Variants in GUF1 observed in about 807,000 individuals in gnomAD.
GUF1 encodes translation factor GUF1, mitochondrial.
GUF1 carries 78 observed loss-of-function variants against 82.4 expected under a neutral mutation model. The ratio of observed to expected loss-of-function variants is 0.95; its 90% CI spans 0.79 to 1.14. The LOEUF is 1.14. Ranked by LOEUF, GUF1 falls within the 50% of genes most tolerant of loss-of-function variation. The pLI is 0.00. For missense variants in GUF1, 814 were observed against 798.2 expected (o/e 1.02, Z -0.24); for synonymous variants, 279 against 282.3 (o/e 0.99, Z 0.12).
At position 44,678,634 on chromosome 4, in the gene GUF1, C is replaced by G. The variant is rs557235362; in HGVS notation, c.12C>G (p.Leu4=). 2 of 1,468,510 alleles carry G rather than the reference C, an allele frequency of 1.4e-6. No homozygotes were observed. Among genetic ancestry groups the G allele is most frequent in the East Asian group, 5.5e-5 (2 of 36,478 alleles). 91.0% of individuals were successfully genotyped at this position (1,468,510 alleles called of 1,614,324 possible). The change falls in exon 1 of 17, where the codon CTC becomes CTG. Residue 4 remains leucine, a synonymous_variant. Transcript: ENST00000281543. ...CCGCCGCCCGGGTCATGTGGACCCT[C>G]GTGGGTCGGGGCTGGGGGTGCGCAC... The part of the protein sequence containing the change: MWT[L]VGRGWGCARA...
At chr4:44,680,644 CTTTTTT>C in intron 2 of GUF1, 44 bp from the exon 3 acceptor site, 1 of 1,238,474 alleles carries the variant, frequency 8.1e-7, no homozygotes, top group Non-Finnish European at 1.1e-6. Flanking sequence ...GTAATATTCT[CTTTTTT>C]TTTTAAAGCC....
At chr4:44,691,573 C>A in intron 12 of GUF1, 93 bp from the exon 13 acceptor site, 1 of 896,194 alleles carries the variant, frequency 1.1e-6, no homozygotes, top group Non-Finnish European at 1.7e-6. Context: ...TAAATACTGC[C>A]TATAAGTTTT....
At chr4:44,697,560 C>G in intron 16 of GUF1, 116 bp downstream of exon 16, 2 of 500,386 alleles carry the variant, frequency 4.0e-6, no homozygotes, top group Non-Finnish European at 7.1e-6. Flanking sequence ...TTTCCAAGTT[C>G]CCTTTTTGAA....
chr4:44,682,892 A>T (rs1214748353), intron 5 of GUF1, among the ~76,000 whole-genome samples: 2 of 152,098 alleles, frequency 1.3e-5, no homozygotes, highest in Non-Finnish European at 2.9e-5. Context: ...AGAAGGCCAT[A>T]GGTAAGACAG....
At position 44,680,750 on chromosome 4, in the gene GUF1, C is replaced by T. The variant is rs758730587; in HGVS notation, c.334C>T (p.Arg112Ter). The change falls in exon 3 of 17, where the codon CGA becomes TGA. Residue 112 changes from arginine to a stop codon, truncating the protein, a stop_gained. Transcript: ENST00000281543. LOFTEE classifies it high-confidence loss of function. Reference protein sequence around the residue: ...KQVLDKLQVERERGITVKAQT... With the variant: ...KQVLDKLQVE ...GGTTCTTGATAAATTGCAAGTGGAA[C>T]GAGAAAGAGGAATCACTGTTAAAGC... 1.6e-5 allele frequency: 25 copies of T among 1,610,096 alleles called. No individual in the cohort carries two copies. The East Asian group carries it at 2.7e-4, about 17-fold the overall frequency.
Position 44,698,747 on chromosome 4 carries a change from A to G in GUF1, c.*66A>G. ...TGCTGACAACAGAAAGAAAATTATA[A>G]AATTTGCTTGTTACTTTCAGGGTAT... On this transcript the variant is annotated 3_prime_UTR_variant, in exon 17 of 17. Transcript: ENST00000281543. 1 of 1,446,838 alleles carries G rather than the reference A, an allele frequency of 6.9e-7. No individual in the cohort carries two copies. The allele number at this position is 1,446,838 out of a possible 1,614,324, so 89.6% of individuals were successfully genotyped here. A position where few individuals can be genotyped will look rare whatever the true frequency, so the allele number is the denominator to read the frequency against.
rs1217802136 is a variant in GUF1, at chr4:44,678,479, G to A, written c.-144G>A. 6.2e-6 allele frequency: 4 copies of A among 640,572 alleles called. No individual in the cohort carries two copies. Among genetic ancestry groups the A allele is most frequent in the Admixed American group, 4.3e-5 (1 of 23,060 alleles). The allele number at this position is 640,572 out of a possible 1,614,324, so 39.7% of individuals were successfully genotyped here. ...CTTCCGGATCTGGTACTTGGGCAGA[G>A]CTCCCCGGGGTTCATTGTCTTCGCT... On this transcript the variant is annotated 5_prime_UTR_variant, in exon 1 of 17. Coordinates refer to ENST00000281543, the MANE Select transcript of GUF1 (RefSeq NM_021927.3).
At chr4:44,691,187 T>G (rs1174168685) in intron 12 of GUF1, among the ~76,000 whole-genome samples, 1 of 151,682 alleles carries the variant, frequency 6.6e-6, no homozygotes, top group Non-Finnish European at 1.5e-5. Flanking sequence ...GACCATAAAT[T>G]TGAAGGTACT....
Position 44,690,745 on chromosome 4 carries a change from T to C in GUF1, c.1364T>C (p.Ile455Thr). The stretch of plus-strand genomic sequence containing the variant: ...CATAGAGAAAAAGAAATTACAATTA[T>C]CAATCCTGCACAATTCCCCGATAAA... ...KEHREKEITI[I>T]NPAQFPDKSK... The change falls in exon 12 of 17, where the codon ATC becomes ACC. Residue 455 changes from isoleucine to threonine, a missense_variant. Transcript: ENST00000281543. 1 of 1,580,562 alleles carries C rather than the reference T, an allele frequency of 6.3e-7. No homozygotes were observed. The highest frequency in any genetic ancestry group is 1.1e-5 in the South Asian group (1 of 87,294).
Position 44,686,720 on chromosome 4 carries a change from A to C in GUF1, c.938+7A>C, listed in dbSNP as rs1232713501. 6.4e-7 allele frequency: 1 copy of C among 1,557,740 alleles called. No homozygotes were observed. Among genetic ancestry groups the C allele is most frequent in the Non-Finnish European group, 8.9e-7 (1 of 1,129,834 alleles). The stretch of plus-strand genomic sequence containing the variant: ...AGCAGCCAACTCATAAATTGTAAGT[A>C]ATCTGCATTAGTAAAATTAAAATGC... On this transcript the variant is annotated splice_region_variant and intron_variant, in intron 8 of 16. Coordinates refer to ENST00000281543, the MANE Select transcript of GUF1 (RefSeq NM_021927.3).
At chr4:44,691,551 C>G in intron 12 of GUF1, 115 bp from the exon 13 acceptor site, 3 of 722,566 alleles carry the variant, frequency 4.2e-6, no homozygotes, top group Non-Finnish European at 6.8e-6. Flanking sequence ...TAAAATGTTT[C>G]TCTCTGGATT....
chr4:44,690,076 C>T (rs187082617), intron 11 of GUF1, 101 bp downstream of exon 11: 133 of 747,070 alleles, frequency 1.8e-4, no homozygotes, highest in Non-Finnish European at 2.4e-4. Flanking sequence ...TTTTACTATA[C>T]CAATAGCTGA....
intron 5 of GUF1, 141 bp from the exon 6 acceptor site, chr4:44,683,094 T>TACA: frequency 1.9e-6 from 1 of 514,714 alleles, no homozygotes; most frequent in Non-Finnish European, 3.4e-6. Flanking sequence ...ATATATAGAT[T>TACA]ATTTTACTGC....
chr4:44,684,840 C>A (rs569277066), intron 6 of GUF1, among the ~76,000 whole-genome samples: 1 of 152,256 alleles, frequency 6.6e-6, no homozygotes, highest in Non-Finnish European at 1.5e-5. Flanking sequence ...AGAAGCACAG[C>A]TGCCCATAGG....
chr4:44,698,440 A>G lies in GUF1; in HGVS notation c.1873-104A>G, dbSNP rs1245535360. On this transcript the variant is annotated intron_variant, in intron 16 of 16. Transcript: ENST00000281543. ...TTAGAGAGATGTCTGCCTTATGGATAATAATTTGGTATGGTTGTTAAGGTT... is the reference window on the plus strand; with the variant it reads ...TTAGAGAGATGTCTGCCTTATGGATGATAATTTGGTATGGTTGTTAAGGTT... 4 of 817,384 alleles carry G rather than the reference A, an allele frequency of 4.9e-6. No individual in the cohort carries two copies. In the East Asian group the frequency reaches 1.1e-4, roughly 22 times the overall value. 50.6% of individuals were successfully genotyped at this position (817,384 alleles called of 1,614,324 possible). A position where few individuals can be genotyped will look rare whatever the true frequency, so the allele number is the denominator to read the frequency against.
At chr4:44,687,857 A>G in intron 8 of GUF1, 150 bp from the exon 9 acceptor site, 1 of 609,450 alleles carries the variant, frequency 1.6e-6, no homozygotes, top group South Asian at 2.4e-5. Context: ...CAAGCTTCAG[A>G]GTTTGATAAT....
chr4:44,684,400 G>T (rs969580679), intron 6 of GUF1, among the ~76,000 whole-genome samples: 1 of 152,084 alleles, frequency 6.6e-6, no homozygotes, highest in Non-Finnish European at 1.5e-5. Context: ...TTACTGATCA[G>T]AAAGGTTGAT....
chr4:44,698,572 A>T lies in GUF1; in HGVS notation c.1901A>T (p.Lys634Met), dbSNP rs377296615. The T allele has an allele frequency of 8.6e-5, 138 of 1,600,866 alleles. No homozygotes were observed. Among genetic ancestry groups the T allele is most frequent in the Non-Finnish European group, 1.1e-4 (125 of 1,176,496 alleles). ...GGTGGTGATATTACCCGAAAAATGAAGCTTTTGAAGAGACAAGCAGAAGGG... is the reference window on the plus strand; with the variant it reads ...GGTGGTGATATTACCCGAAAAATGATGCTTTTGAAGAGACAAGCAGAAGGG... ...CYGGDITRKM[K>M]LLKRQAEGKK... Residue 634 changes from lysine to methionine, a missense_variant, in exon 17 of 17, where the codon AAG becomes ATG. By Grantham distance (95) the Lys-to-Met change is moderately conservative (BLOSUM62 -1). Transcript: ENST00000281543.
At position 44,690,840 on chromosome 4, in the gene GUF1, A is replaced by G. The variant is rs770724621; in HGVS notation, c.1459A>G (p.Lys487Glu). 11 of 1,595,056 alleles carry G rather than the reference A, an allele frequency of 6.9e-6. No homozygotes were observed. The highest frequency in any genetic ancestry group is 9.4e-6 in the Non-Finnish European group (11 of 1,169,836). Residue 487 changes from lysine (K) to glutamate (E), a missense_variant, in exon 12 of 17, where the codon AAA (lysine) becomes GAA (glutamate). Lys to Glu is a moderately conservative substitution (Grantham distance 56). Coordinates refer to ENST00000281543, the MANE Select transcript of GUF1 (RefSeq NM_021927.3). ...TIITPDEYTGKIMMLCEARRA... is the reference protein window; with the variant it reads ...TIITPDEYTGEIMMLCEARRA... ...TATCACACCAGATGAATACACTGGA[A>G]AAATAATGATGCTTTGCGAGGTATA...
Sources: allele counts gnomAD v4.1 joint callset (sites outside exome capture counted in the v4.1 genomes callset), GRCh38; gene constraint gnomAD v4.1.1; transcripts MANE v1.5; gene names NCBI Gene and HGNC (gene_info 2026-07-23, HGNC 2026-07-21).